The following RAB7A variants were observed in gnomAD, a reference collection of about 807,000 sequenced individuals.
RAB7A encodes the protein RAB7A, member RAS oncogene family.
Under a neutral mutation model 24.5 loss-of-function variants are expected in RAB7A, and 2 were observed. The ratio of observed to expected loss-of-function variants is 0.08; its 90% CI spans 0.03 to 0.26. The LOEUF (loss-of-function observed/expected upper bound fraction) is 0.26. Among genes scored for constraint, RAB7A ranks in the 10% least tolerant of loss-of-function variants. RAB7A has a pLI of 1.00. For synonymous variants in RAB7A, 100 were observed against 95.9 expected (o/e 1.04, Z -0.25); for missense variants, 118 against 255.7 (o/e 0.46, Z 3.67).
At chr3:128,765,896 G>C (rs2070826943) in intron 1 of RAB7A, among the ~76,000 whole-genome samples, 1 of 151,828 alleles carries the variant, frequency 6.6e-6, no homozygotes, top group Non-Finnish European at 1.5e-5. Flanking sequence ...CAAGTAGCTG[G>C]GATTACAGGT....
chr3:128,780,708 A>G (rs1444165777), intron 1 of RAB7A, among the ~76,000 whole-genome samples: 1 of 152,196 alleles, frequency 6.6e-6, no homozygotes, highest in Non-Finnish European at 1.5e-5. Context: ...GGGGCCAGAA[A>G]GAGGCTGTTA....
chr3:128,743,403 G>A (rs1305984737), intron 1 of RAB7A, among the ~76,000 whole-genome samples: 1 of 152,254 alleles, frequency 6.6e-6, no homozygotes, highest in Non-Finnish European at 1.5e-5. Flanking sequence ...GGGTCCTCAA[G>A]CATGGCCAGA....
chr3:128,741,058 T>A (rs1169650915), intron 1 of RAB7A, among the ~76,000 whole-genome samples: 1 of 151,936 alleles, frequency 6.6e-6, no homozygotes, highest in Admixed American at 6.6e-5. Flanking sequence ...TACATTTTTT[T>A]ATATATACTT....
At chr3:128,763,208 ATT>A (rs1174944964) in intron 1 of RAB7A, among the ~76,000 whole-genome samples, 61 of 76,026 alleles carry the variant, frequency 8.0e-4, no homozygotes, top group African/African-American at 1.6e-3. Flanking sequence ...ATATATATAT[ATT>A]TTTTTTTTTT....
chr3:128,743,893 G>A (rs1240829608), intron 1 of RAB7A, among the ~76,000 whole-genome samples: 4 of 150,680 alleles, frequency 2.7e-5, no homozygotes, highest in Admixed American at 6.6e-5. Context: ...GGGTTCAAGC[G>A]ATTCTCCTCC....
intron 1 of RAB7A, among the ~76,000 whole-genome samples, chr3:128,740,154 TGGATCACGAGGTCAGGA>T (rs1478219837): frequency 6.6e-6 from 1 of 151,852 alleles, no homozygotes; most frequent in Non-Finnish European, 1.5e-5. Flanking sequence ...CCGAGATGGG[TGGATCACGAGGTCAGGA>T]GATCAAGACC....
chr3:128,759,671 A>G (rs1043628139), intron 1 of RAB7A, among the ~76,000 whole-genome samples: 1 of 152,002 alleles, frequency 6.6e-6, no homozygotes, highest in African/African-American at 2.4e-5. Flanking sequence ...AACCTCAAGT[A>G]AGCTCTGTTA....
At chr3:128,733,301 A>C (rs1464865812) in intron 1 of RAB7A, among the ~76,000 whole-genome samples, 1 of 152,120 alleles carries the variant, frequency 6.6e-6, no homozygotes, top group Non-Finnish European at 1.5e-5. Flanking sequence ...GGAATCATAC[A>C]CTGTGTATTC....
At chr3:128,733,403 T>G (rs760442954) in intron 1 of RAB7A, among the ~76,000 whole-genome samples, 4 of 152,242 alleles carry the variant, frequency 2.6e-5, no homozygotes, top group Admixed American at 6.5e-5. Flanking sequence ...CTCAGTAGTA[T>G]TATGTGATAT....
Position 128,806,396 on chromosome 3 carries a change from C to A in RAB7A, c.205C>A (p.Arg69=), listed in dbSNP as rs963655960. 9.9e-6 allele frequency: 16 copies of A among 1,613,364 alleles called. No individual in the cohort carries two copies. In the African/African-American group the frequency reaches 1.9e-4, roughly 19 times the overall value. Residue 69 remains arginine, a synonymous_variant, in exon 4 of 6, where the codon CGG becomes AGG. Coordinates refer to ENST00000265062, the MANE Select transcript of RAB7A (RefSeq NM_004637.6). ...MQIWDTAGQE[R]FQSLGVAFYR... Reference sequence around the variant, plus strand: ...GATATGGGACACAGCAGGACAGGAACGGTTCCAGTCTCTCGGTGTGGCCTT... The same window carrying A: ...GATATGGGACACAGCAGGACAGGAAAGGTTCCAGTCTCTCGGTGTGGCCTT...
At chr3:128,810,105 T>C (rs1576305268) in intron 5 of RAB7A, among the ~76,000 whole-genome samples, 1 of 151,644 alleles carries the variant, frequency 6.6e-6, no homozygotes, top group African/African-American at 2.4e-5. Flanking sequence ...TCCGCCACCA[T>C]GCCCAGCTAA....
intron 1 of RAB7A, among the ~76,000 whole-genome samples, chr3:128,745,165 C>T (rs1019916539): frequency 5.3e-5 from 8 of 152,108 alleles, no homozygotes; most frequent in South Asian, 2.1e-4. Context: ...TGAGCTGCCG[C>T]GCCCGGCTGA....
Position 128,812,335 on chromosome 3 carries a change from G to C in RAB7A, c.529-992G>C, listed in dbSNP as rs141848107. Among the ~76,000 whole-genome samples, 13 of 152,300 alleles carry C rather than the reference G, an allele frequency of 8.5e-5. No homozygotes were observed. In the East Asian group the frequency reaches 2.5e-3, roughly 29 times the overall value. Reference sequence around the variant, plus strand: ...TCACCATGTTCGCCAGGCTGGTCTTGAACTCCTGACTTCAGGTGGTCGACC... The same window carrying C: ...TCACCATGTTCGCCAGGCTGGTCTTCAACTCCTGACTTCAGGTGGTCGACC... On this transcript the variant is annotated intron_variant, in intron 5 of 5. Transcript: ENST00000265062.
At position 128,798,385 on chromosome 3, in the gene RAB7A, C is replaced by CT. The variant is rs200821629; in HGVS notation, c.180+317dup. The stretch of plus-strand genomic sequence containing the variant: ...GCTAAATTTGGCAACCTGCAGGTCT[C>CT]TGTCTTGTGCCTCTCTTGACATCCT... On this transcript the variant is annotated intron_variant, in intron 3 of 5. Coordinates refer to ENST00000265062, the MANE Select transcript of RAB7A (RefSeq NM_004637.6). 2,190 of 334,746 alleles carry CT rather than the reference C, an allele frequency of 6.5e-3. 39 individuals carry two copies. The highest frequency in any genetic ancestry group is 0.039 in the African/African-American group (1,827 of 46,682). 20.7% of individuals were successfully genotyped at this position (334,746 alleles called of 1,614,324 possible). A position where few individuals can be genotyped will look rare whatever the true frequency, so the allele number is the denominator to read the frequency against.
intron 1 of RAB7A, among the ~76,000 whole-genome samples, chr3:128,779,868 G>C (rs532486881): frequency 6.6e-6 from 1 of 152,332 alleles, no homozygotes; most frequent in Non-Finnish European, 1.5e-5. Context: ...AGCTGAGAAA[G>C]AGGTTTAATC....
In RAB7A at chr3:128,814,280, T is replaced by A. The variant is rs1280540937; in HGVS notation, c.*858T>A. 1 of 152,908 alleles carries A rather than the reference T, an allele frequency of 6.5e-6. No homozygotes were observed. Among genetic ancestry groups the A allele is most frequent in the Non-Finnish European group, 1.5e-5 (1 of 68,108 alleles). 9.5% of individuals were successfully genotyped at this position (152,908 alleles called of 1,614,324 possible). A position where few individuals can be genotyped will look rare whatever the true frequency, so the allele number is the denominator to read the frequency against. ...GACTTAAGAGCCAAAAAGCTTTTCA[T>A]CTCTCCAGGGGGAAAACTGTCTAGT... On this transcript the variant is annotated 3_prime_UTR_variant, in exon 6 of 6. Coordinates refer to ENST00000265062, the MANE Select transcript of RAB7A (RefSeq NM_004637.6).
At chr3:128,807,487 A>G in intron 4 of RAB7A, 56 bp from the exon 5 acceptor site, 1 of 1,611,842 alleles carries the variant, frequency 6.2e-7, no homozygotes, top group South Asian at 1.1e-5. Flanking sequence ...GGGAGGATGG[A>G]GTCAGTGCTG....
chr3:128,768,029 A>G (rs2070849248), intron 1 of RAB7A, among the ~76,000 whole-genome samples: 1 of 152,114 alleles, frequency 6.6e-6, no homozygotes, highest in African/African-American at 2.4e-5. Context: ...GAATGAACAA[A>G]TCCATTACCC....
At chr3:128,804,410 A>T (rs903041359) in intron 3 of RAB7A, among the ~76,000 whole-genome samples, 1 of 152,222 alleles carries the variant, frequency 6.6e-6, no homozygotes, top group Non-Finnish European at 1.5e-5. Flanking sequence ...GCATAAGCTA[A>T]TACACTTTCA....
Sources: allele counts gnomAD v4.1 joint callset (sites outside exome capture counted in the v4.1 genomes callset), GRCh38; gene constraint gnomAD v4.1.1; transcripts MANE v1.5; gene names NCBI Gene and HGNC (gene_info 2026-07-23, HGNC 2026-07-21).